Variants in ZSWIM5 observed in about 807,000 individuals in gnomAD.
ZSWIM5 encodes the protein zinc finger SWIM-type containing 5.
A neutral mutation model predicts 119.6 loss-of-function variants in ZSWIM5; 55 were observed. The ratio of observed to expected loss-of-function variants is 0.46; its 90% CI spans 0.37 to 0.58. The LOEUF (loss-of-function observed/expected upper bound fraction) is 0.58. Among genes scored for constraint, ZSWIM5 ranks in the 20% least tolerant of loss-of-function variants. The pLI is 0.00. For missense variants in ZSWIM5, 1,193 were observed against 1,512.8 expected (o/e 0.79, Z 3.51); for synonymous variants, 537 against 606.9 (o/e 0.88, Z 1.69).
intron 2 of ZSWIM5, among the ~76,000 whole-genome samples, chr1:45,083,791 G>A (rs1645308792): frequency 6.6e-6 from 1 of 152,196 alleles, no homozygotes; most frequent in Non-Finnish European, 1.5e-5. Flanking sequence ...CACAAGATGT[G>A]CAGGAAACAT....
chr1:45,043,598 C>G (rs1196077392), intron 5 of ZSWIM5, among the ~76,000 whole-genome samples: 1 of 152,202 alleles, frequency 6.6e-6, no homozygotes, highest in Non-Finnish European at 1.5e-5. Flanking sequence ...TTGCCTCCTT[C>G]TTGGATAAGC....
chr1:45,139,356 CT>C (rs1467711856), intron 1 of ZSWIM5, among the ~76,000 whole-genome samples: 2 of 151,384 alleles, frequency 1.3e-5, no homozygotes, highest in Non-Finnish European at 2.9e-5. Context: ...ATTTCTCTTT[CT>C]TTTCTTTTCT....
intron 1 of ZSWIM5, among the ~76,000 whole-genome samples, chr1:45,168,664 C>CAAAAAAA (rs1024002696): frequency 2.3e-4 from 9 of 38,772 alleles, no homozygotes; most frequent in Non-Finnish European, 2.8e-4. Context: ...GACTCCATCT[C>CAAAAAAA]AAAAAAAAAA....
chr1:45,181,048 C>A (rs1646014740), intron 1 of ZSWIM5, among the ~76,000 whole-genome samples: 1 of 152,154 alleles, frequency 6.6e-6, no homozygotes, highest in Non-Finnish European at 1.5e-5. Flanking sequence ...CAAAGGAACA[C>A]AGCTCCTCAC....
intron 4 of ZSWIM5, among the ~76,000 whole-genome samples, chr1:45,053,078 C>T (rs1402401244): frequency 2.0e-5 from 3 of 150,218 alleles, no homozygotes; most frequent in African/African-American, 7.3e-5. Context: ...AGCTGAGATC[C>T]CGCCATTGCA....
At chr1:45,129,040 C>A (rs979312440) in intron 1 of ZSWIM5, among the ~76,000 whole-genome samples, 4 of 151,896 alleles carry the variant, frequency 2.6e-5, no homozygotes, top group South Asian at 2.1e-4. Flanking sequence ...CGCCTACTGA[C>A]AACTTGATAA....
At chr1:45,168,245 G>T (rs998257567) in intron 1 of ZSWIM5, among the ~76,000 whole-genome samples, 3 of 151,940 alleles carry the variant, frequency 2.0e-5, no homozygotes, top group African/African-American at 4.8e-5. Flanking sequence ...AACACCCCGT[G>T]TTCTCGCTCA....
intron 1 of ZSWIM5, among the ~76,000 whole-genome samples, chr1:45,130,936 C>A (rs1645652784): frequency 1.3e-5 from 2 of 152,150 alleles, no homozygotes; most frequent in Non-Finnish European, 2.9e-5. Flanking sequence ...CAGCACCATG[C>A]AACTTAAAAT....
Position 45,099,710 on chromosome 1 carries a change from C to G in ZSWIM5, c.596-11473G>C, listed in dbSNP as rs762635776. Among the ~76,000 whole-genome samples, 17 of 152,206 alleles carry G rather than the reference C, an allele frequency of 1.1e-4. 1 individual carries two copies. Among genetic ancestry groups the G allele is most frequent in the African/African-American group, 4.1e-4 (17 of 41,544 alleles). On this transcript the variant is annotated intron_variant, in intron 1 of 13. Transcript: ENST00000359600. ...AAAAGCTTATCTACCATGATCAAGT[C>G]GGCTTCATCCCTGGGATGCAAGGCT... is the stretch of plus-strand genomic sequence containing the variant.
chr1:45,081,006 G>A (rs766729545), intron 2 of ZSWIM5, among the ~76,000 whole-genome samples: 16 of 152,284 alleles, frequency 1.1e-4, no homozygotes, highest in Non-Finnish European at 2.2e-4. Flanking sequence ...TTAAAAGCAG[G>A]CAGCTAGCAG....
chr1:45,053,956 T>C (rs1378699109), intron 4 of ZSWIM5, among the ~76,000 whole-genome samples: 1 of 152,092 alleles, frequency 6.6e-6, no homozygotes, highest in Admixed American at 6.6e-5. Context: ...AAGACTGTTA[T>C]CAGTATCCAG....
intron 1 of ZSWIM5, among the ~76,000 whole-genome samples, chr1:45,149,217 T>G (rs982675339): frequency 6.6e-5 from 10 of 152,090 alleles, no homozygotes; most frequent in African/African-American, 2.4e-4. Context: ...TGGGCTAGGA[T>G]CGTACCACAT....
At chr1:45,157,031 C>T (rs1645830846) in intron 1 of ZSWIM5, among the ~76,000 whole-genome samples, 1 of 152,062 alleles carries the variant, frequency 6.6e-6, no homozygotes, top group African/African-American at 2.4e-5. Context: ...CAGAAAGTTC[C>T]CTCATGCCCT....
At chr1:45,191,222 C>T (rs1211018718) in intron 1 of ZSWIM5, among the ~76,000 whole-genome samples, 4 of 151,968 alleles carry the variant, frequency 2.6e-5, no homozygotes, top group African/African-American at 9.7e-5. Context: ...CGTGAGCCAC[C>T]GCGCCCGGCC....
At chr1:45,118,737 CAAAAAAAAA>C (rs60441320) in intron 1 of ZSWIM5, among the ~76,000 whole-genome samples, 1 of 95,264 alleles carries the variant, frequency 1.0e-5, no homozygotes, top group Non-Finnish European at 2.3e-5. Flanking sequence ...GAACCTGTCT[CAAAAAAAAA>C]AAAAAAAAAG....
At chr1:45,139,474 C>CT (rs551063549) in intron 1 of ZSWIM5, among the ~76,000 whole-genome samples, 5,400 of 116,504 alleles carry the variant, frequency 0.046, 271 homozygotes, top group East Asian at 0.067. Context: ...CTCTCTCTCT[C>CT]TTTTTTTTTT....
At chr1:45,022,481 T>G (rs983088251) in intron 11 of ZSWIM5, among the ~76,000 whole-genome samples, 1 of 152,208 alleles carries the variant, frequency 6.6e-6, no homozygotes, top group Non-Finnish European at 1.5e-5. Flanking sequence ...TGCATATATA[T>G]GAATAGAAAA....
At chr1:45,107,178 C>T (rs974885047) in intron 1 of ZSWIM5, among the ~76,000 whole-genome samples, 1 of 152,050 alleles carries the variant, frequency 6.6e-6, no homozygotes, top group Non-Finnish European at 1.5e-5. Flanking sequence ...GCCACATCCC[C>T]CTCTCTGAGA....
chr1:45,026,069 C>G (rs1644918670), intron 11 of ZSWIM5, among the ~76,000 whole-genome samples: 1 of 152,086 alleles, frequency 6.6e-6, no homozygotes, highest in South Asian at 2.1e-4. Flanking sequence ...TCTTTAAGCT[C>G]TTTTGCCCAG....
Sources: allele counts gnomAD v4.1 joint callset (sites outside exome capture counted in the v4.1 genomes callset), GRCh38; gene constraint gnomAD v4.1.1; transcripts MANE v1.5; gene names NCBI Gene and HGNC (gene_info 2026-07-23, HGNC 2026-07-21).